The following PSD3 variants were observed in gnomAD, a reference collection of about 807,000 sequenced individuals.
PSD3 encodes PH and SEC7 domain-containing protein 3.
In PSD3, 49 loss-of-function variants were observed where a neutral mutation model predicts 105.5. That is an observed-to-expected ratio of 0.46 (90% CI 0.37 to 0.59). PSD3 has a LOEUF of 0.59. PSD3 is among the 20% of genes least tolerant of loss of function. PSD3 has a pLI of 0.00. For synonymous variants in PSD3, 557 were observed against 457.8 expected, an observed-to-expected ratio of 1.22 and a Z score of -2.77; for missense variants, 1,561 against 1,263.8, an observed-to-expected ratio of 1.24 and a Z score of -3.57.
chr8:18,759,500 T>C (rs57338100), intron 9 of PSD3, among the ~76,000 whole-genome samples: 9,001 of 152,234 alleles, frequency 0.059, 432 homozygotes, highest in East Asian at 0.21. Flanking sequence ...TATAAAAATT[T>C]TTAAAGGAGA....
intron 9 of PSD3, among the ~76,000 whole-genome samples, chr8:18,705,422 T>C (rs1200072027): frequency 6.6e-6 from 1 of 151,150 alleles, no homozygotes; most frequent in African/African-American, 2.4e-5. Flanking sequence ...TCTTAGCTAC[T>C]TGGGAGGCTG....
intron 8 of PSD3, among the ~76,000 whole-genome samples, 154 bp from the exon 9 acceptor site, chr8:18,765,692 C>T (rs934034270): frequency 2.0e-5 from 3 of 152,050 alleles, no homozygotes; most frequent in African/African-American, 4.8e-5. Flanking sequence ...TTTGGGAGGC[C>T]GAGGTGGGTG....
intron 12 of PSD3, among the ~76,000 whole-genome samples, chr8:18,588,405 A>T (rs922244066): frequency 1.3e-5 from 2 of 152,138 alleles, no homozygotes; most frequent in African/African-American, 4.8e-5. Flanking sequence ...CTGATTTTTT[A>T]AAAAAGAGCA....
At chr8:18,870,176 A>G (rs1406114116) in intron 3 of PSD3, among the ~76,000 whole-genome samples, 4 of 152,064 alleles carry the variant, frequency 2.6e-5, no homozygotes, top group Non-Finnish European at 5.9e-5. Flanking sequence ...AGGAAAAGGC[A>G]TTTCCTTACA....
At position 18,665,219 on chromosome 8, in the gene PSD3, G is replaced by C. The variant is rs189584550; in HGVS notation, c.2173-9534C>G. ...AAGTAAACTGAAAACCTTCTAGAAA[G>C]GATTCACCATTTTGGATGTCTTCAA... is the stretch of plus-strand genomic sequence containing the variant. On this transcript the variant is annotated intron_variant, in intron 9 of 15. Coordinates refer to ENST00000327040, the MANE Select transcript of PSD3 (RefSeq NM_015310.4). 4.3e-3 allele frequency among the ~76,000 whole-genome samples: 648 copies of C among 152,344 alleles called. 4 individuals carry two copies. The highest frequency in any genetic ancestry group is 7.5e-3 in the Non-Finnish European group (507 of 68,026).
intron 1 of PSD3, among the ~76,000 whole-genome samples, chr8:18,983,118 C>T (rs188058034): frequency 6.6e-6 from 1 of 152,238 alleles, no homozygotes; most frequent in Non-Finnish European, 1.5e-5. Flanking sequence ...TGCTGCTTCA[C>T]CTTTATGTTA....
chr8:18,651,098 C>T (rs1422219289), intron 10 of PSD3, among the ~76,000 whole-genome samples: 6 of 152,128 alleles, frequency 3.9e-5, no homozygotes, highest in Non-Finnish European at 8.8e-5. Context: ...GAACCCTATA[C>T]ATATATTCAA....
chr8:18,952,865 T>G (rs962366657), intron 1 of PSD3, among the ~76,000 whole-genome samples: 2 of 152,172 alleles, frequency 1.3e-5, no homozygotes, highest in East Asian at 3.8e-4. Context: ...GACGAGGTGA[T>G]GGCCAGCAGG....
At chr8:18,715,007 A>G (rs916083362) in intron 9 of PSD3, among the ~76,000 whole-genome samples, 18 of 152,244 alleles carry the variant, frequency 1.2e-4, no homozygotes, top group Non-Finnish European at 2.4e-4. Context: ...GGAAGCCATC[A>G]TCCTCAGCAA....
intron 2 of PSD3, among the ~76,000 whole-genome samples, chr8:18,923,139 A>C (rs2129467568): frequency 6.6e-6 from 1 of 152,276 alleles, no homozygotes; most frequent in Admixed American, 6.5e-5. Context: ...CACTGGAAGA[A>C]CTGTCTTGGG....
In PSD3 at chr8:18,867,992, T is replaced by G; in HGVS notation, c.1316A>C (p.Asp439Ala). 1 of 1,614,184 alleles carries G rather than the reference T, an allele frequency of 6.2e-7. No homozygotes were observed. The highest frequency in any genetic ancestry group is 8.5e-7 in the Non-Finnish European group (1 of 1,180,014). Residue 439 changes from aspartate (D) to alanine (A), a missense_variant, in exon 4 of 16, where the codon GAC becomes GCC. Physicochemically the swap from Asp to Ala is moderately radical, Grantham distance 126. Coordinates refer to ENST00000327040, the MANE Select transcript of PSD3 (RefSeq NM_015310.4). The part of the protein sequence containing the change: ...LGPGYTEDST[D>A]VYSSQFETIL... Reference sequence around the variant, plus strand: ...GGTTTCAAACTGGGAGCTGTACACGTCGGTGGAGTCCTCCGTATATCCAGG... The same window carrying G: ...GGTTTCAAACTGGGAGCTGTACACGGCGGTGGAGTCCTCCGTATATCCAGG...
chr8:18,947,063 C>G (rs911172719), intron 1 of PSD3, among the ~76,000 whole-genome samples: 2 of 152,106 alleles, frequency 1.3e-5, no homozygotes, highest in African/African-American at 2.4e-5. Flanking sequence ...TGCCCTACAA[C>G]CAGTCCCTCG....
chr8:18,774,421 ATTG>A (rs1202088709), intron 8 of PSD3: 1 of 164,736 alleles, frequency 6.1e-6, no homozygotes. Flanking sequence ...TATACAAATT[ATTG>A]TTAACTATAG....
At chr8:18,916,343 TATATATACAC>T (rs1820598895) in intron 2 of PSD3, among the ~76,000 whole-genome samples, 2 of 46,762 alleles carry the variant, frequency 4.3e-5, no homozygotes, top group African/African-American at 1.0e-4. Context: ...TATATATATA[TATATATACAC>T]ACACACACAC....
chr8:18,802,412 T>C (rs942003700), intron 6 of PSD3: 10 of 406,720 alleles, frequency 2.5e-5, no homozygotes, highest in East Asian at 1.4e-4. Context: ...AATCTTACTA[T>C]GGTAAAAAAC....
At chr8:18,675,004 T>G (rs1274101622) in intron 9 of PSD3, among the ~76,000 whole-genome samples, 1 of 151,574 alleles carries the variant, frequency 6.6e-6, no homozygotes, top group Admixed American at 6.6e-5. Flanking sequence ...CTGTCTCCAA[T>G]TTAAAAAAAA....
At chr8:18,990,606 C>A (rs531901479) in intron 1 of PSD3, among the ~76,000 whole-genome samples, 1 of 152,310 alleles carries the variant, frequency 6.6e-6, no homozygotes, top group East Asian at 1.9e-4. Flanking sequence ...TTGGCTTAAA[C>A]TGGCAACTTC....
intron 9 of PSD3, chr8:18,733,241 A>C (rs756238383): frequency 6.6e-6 from 1 of 152,182 alleles, no homozygotes; most frequent in Admixed American, 6.5e-5. Context: ...AAAAAAGGAA[A>C]ATCTCTTTTT....
intron 9 of PSD3, among the ~76,000 whole-genome samples, chr8:18,690,850 A>G (rs1011673798): frequency 7.2e-5 from 11 of 152,216 alleles, no homozygotes; most frequent in Admixed American, 1.3e-4. Flanking sequence ...AGAAAGGTCC[A>G]ATAAGGCTTG....
Sources: allele counts gnomAD v4.1 joint callset (sites outside exome capture counted in the v4.1 genomes callset), GRCh38; gene constraint gnomAD v4.1.1; transcripts MANE v1.5; gene names NCBI Gene and HGNC (gene_info 2026-07-23, HGNC 2026-07-21).